KNTC1: variants seen among roughly 807,000 people sequenced by gnomAD.
KNTC1 encodes the protein kinetochore associated 1.
Under a neutral mutation model 314.4 loss-of-function variants are expected in KNTC1, and 253 were observed. That is an observed-to-expected ratio of 0.80 (90% confidence interval 0.73 to 0.89). The LOEUF (loss-of-function observed/expected upper bound fraction) is 0.89, where lower values mean the gene tolerates loss of function less well. Among genes scored for constraint, KNTC1 ranks in the 40% least tolerant of loss-of-function variants. The pLI, the probability that KNTC1 is intolerant of heterozygous loss-of-function variation, is 0.00. For missense variants in KNTC1, 2,475 were observed against 2,572.9 expected (o/e 0.96, Z 0.82); for synonymous variants, 901 against 901.4 (o/e 1.00, Z 0.01).
chr12:122,556,895 T>C (rs552268658), intron 16 of KNTC1, among the ~76,000 whole-genome samples: 112 of 151,282 alleles, frequency 7.4e-4, no homozygotes, highest in Non-Finnish European at 1.3e-3. Flanking sequence ...TGTGTTGTTG[T>C]TGGAAATGAC....
chr12:122,536,521 C>CT lies in KNTC1; in HGVS notation c.250+1751dup, dbSNP rs77728043. Among the ~76,000 whole-genome samples, 1,202 of 140,352 alleles carry CT rather than the reference C, an allele frequency of 8.6e-3. 14 individuals carry two copies. Among genetic ancestry groups the CT allele is most frequent in the African/African-American group, 0.027 (1,025 of 38,362 alleles). 92.1% of individuals were successfully genotyped at this position (140,352 alleles called of 152,430 possible). ...ACAGACGTGAGCCACCGTGCCAGGC[C>CT]TTTTTTTTTTTTTTCCCTGAGACAG... On this transcript the variant is annotated intron_variant, in intron 3 of 63. Coordinates refer to ENST00000333479, the MANE Select transcript of KNTC1 (RefSeq NM_014708.6).
At chr12:122,570,512 CA>C (rs572070934) in intron 22 of KNTC1, among the ~76,000 whole-genome samples, 1,665 of 102,038 alleles carry the variant, frequency 0.016, 14 homozygotes, top group African/African-American at 0.046. Context: ...AACCCTGTCT[CA>C]AAAAAAAAAA....
chr12:122,584,740 T>A (rs935989811), intron 35 of KNTC1, among the ~76,000 whole-genome samples, 153 bp from the exon 36 acceptor site: 1 of 152,194 alleles, frequency 6.6e-6, no homozygotes, highest in African/African-American at 2.4e-5. Context: ...TGAGAAAAAA[T>A]TTAACTTTTT....
chr12:122,560,573 A>T (rs1198807673), intron 18 of KNTC1, among the ~76,000 whole-genome samples: 1 of 152,106 alleles, frequency 6.6e-6, no homozygotes, highest in East Asian at 1.9e-4. Flanking sequence ...GGGTTTCACC[A>T]TGTTGGCCAG....
Position 122,610,860 on chromosome 12 carries a change from G to A in KNTC1, c.5582G>A (p.Ser1861Asn). Residue 1861 changes from serine (S) to asparagine (N), a missense_variant, in exon 53 of 64, where the codon AGT (serine) becomes AAT (asparagine). By Grantham distance (46) the Ser-to-Asn change is conservative. Transcript: ENST00000333479. ...CTCCTGTCTCGTCCAATTGATTATA[G>A]TTCAAGAATGCTGTTTGTATTTGCA... ...YLLLSRPIDY[S>N]SRMLFVFATS... The A allele has an allele frequency of 6.2e-7, 1 of 1,613,502 alleles. No individual in the cohort carries two copies. The highest frequency in any genetic ancestry group is 8.5e-7 in the Non-Finnish European group (1 of 1,179,596).
At chr12:122,614,861 ACAGAGTGAGACTCCATCT>A (rs1873596600) in intron 55 of KNTC1, 112 bp from the exon 56 acceptor site, 8 of 559,186 alleles carry the variant, frequency 1.4e-5, no homozygotes, top group Non-Finnish European at 2.2e-5. Context: ...AGCCTGGGCA[ACAGAGTGAGACTCCATCT>A]CAAAAAAAAA....
chr12:122,623,792 C>T lies in KNTC1; in HGVS notation c.6516-806C>T, dbSNP rs1035473418. The stretch of plus-strand genomic sequence containing the variant: ...CTCCAAAAACATAATTCTGGCCGGG[C>T]GCAGTGGCTTACTCCTGTAATCCCA... On this transcript the variant is annotated intron_variant, in intron 62 of 63. Coordinates refer to ENST00000333479, the MANE Select transcript of KNTC1 (RefSeq NM_014708.6). 2.0e-5 allele frequency among the ~76,000 whole-genome samples: 3 copies of T among 152,208 alleles called. 1 individual carries two copies. Among genetic ancestry groups the T allele is most frequent in the South Asian group, 4.1e-4 (2 of 4,822 alleles).
Position 122,546,625 on chromosome 12 carries a change from C to A in KNTC1, c.767C>A (p.Ala256Glu). The A allele has an allele frequency of 6.3e-7, 1 of 1,577,122 alleles. No individual in the cohort carries two copies. Among genetic ancestry groups the A allele is most frequent in the Non-Finnish European group, 8.7e-7 (1 of 1,154,292 alleles). The change falls in exon 10 of 64, where the codon GCA becomes GAA. Residue 256 changes from alanine to glutamate, a missense_variant. Ala to Glu is a moderately radical substitution (Grantham distance 107). Transcript: ENST00000333479. ...NLIDAEIIKG[A>E]KKFQLIDNLL... ...CATCTTATTTTCTCTTTTGTAGGTG[C>A]AAAGAAGTTCCAGCTGATAGACAAT...
chr12:122,579,967 C>T lies in KNTC1; in HGVS notation c.2904C>T (p.Asp968=). Residue 968 remains aspartate, a synonymous_variant, in exon 32 of 64, where the codon GAC becomes GAT. Transcript: ENST00000333479. ...TGGACATTCTTAAGATACTATGTGA[C>T]ATTCAGAAAGGTAGCTTTTACTTCT... ...TSVDILKILC[D]IQKDNLQKKD... 1 of 1,604,540 alleles carries T rather than the reference C, an allele frequency of 6.2e-7. No individual in the cohort carries two copies. Among genetic ancestry groups the T allele is most frequent in the Non-Finnish European group, 8.5e-7 (1 of 1,171,440 alleles).
intron 16 of KNTC1, among the ~76,000 whole-genome samples, chr12:122,555,427 C>CT (rs1293813815): frequency 3.9e-5 from 6 of 152,142 alleles, no homozygotes; most frequent in African/African-American, 1.4e-4. Context: ...CAGTGGATGC[C>CT]TGTTGTCCCA....
At position 122,602,905 on chromosome 12, in the gene KNTC1, T is replaced by C; in HGVS notation, c.4884+18T>C. On this transcript the variant is annotated intron_variant, in intron 47 of 63. Transcript: ENST00000333479. ...TAATGAAGGTAATGGATTAAAACATTGTAAGACATTTCTGTATCCTGCAAT... is the reference window on the plus strand; with the variant it reads ...TAATGAAGGTAATGGATTAAAACATCGTAAGACATTTCTGTATCCTGCAAT... 1 of 1,581,190 alleles carries C rather than the reference T, an allele frequency of 6.3e-7. No individual in the cohort carries two copies. Among genetic ancestry groups the C allele is most frequent in the South Asian group, 1.1e-5 (1 of 89,530 alleles).
chr12:122,556,956 A>G (rs1963641959), intron 16 of KNTC1, among the ~76,000 whole-genome samples: 1 of 118,592 alleles, frequency 8.4e-6, no homozygotes, highest in South Asian at 2.5e-4. Flanking sequence ...GGGTCTTACC[A>G]TGTTGCCCAG....
chr12:122,550,928 C>A (rs1963152719), intron 13 of KNTC1, among the ~76,000 whole-genome samples: 1 of 152,144 alleles, frequency 6.6e-6, no homozygotes, highest in Non-Finnish European at 1.5e-5. Flanking sequence ...TTTTTTGGCA[C>A]AAATACTGCA....
intron 50 of KNTC1, 99 bp from the exon 51 acceptor site, chr12:122,605,207 A>T (rs1412048962): frequency 9.4e-7 from 1 of 1,063,366 alleles, no homozygotes; most frequent in African/African-American, 1.6e-5. Context: ...GTATATACTT[A>T]TATGTGTATG....
At chr12:122,576,865 A>T (rs749366363) in intron 29 of KNTC1, 30 bp from the exon 30 acceptor site, 2 of 1,511,178 alleles carry the variant, frequency 1.3e-6, no homozygotes, top group South Asian at 1.3e-5. Context: ...GAGTTCTATA[A>T]CAAAGAAATG....
chr12:122,620,496 A>ATCTTGACC lies in KNTC1; in HGVS notation c.6169_6176dup (p.Ile2060LeufsTer3), dbSNP rs1318383204. ...TCTCGAAGATGTCCAGTCTCAGGTG[A>ATCTTGACC]TCTTGACCTGATCGGAGTCGCCAGG... On this transcript the variant is annotated frameshift_variant, in exon 60 of 64. Transcript: ENST00000333479. LOFTEE classifies it high-confidence loss of function. The ATCTTGACC allele has an allele frequency of 1.2e-6, 2 of 1,613,212 alleles. No individual in the cohort carries two copies. The highest frequency in any genetic ancestry group is 1.7e-5 in the Admixed American group (1 of 59,944).
At chr12:122,551,739 G>T (rs371126782) in intron 16 of KNTC1, 43 bp downstream of exon 16, 2 of 1,407,912 alleles carry the variant, frequency 1.4e-6, no homozygotes, top group Admixed American at 3.4e-5. Context: ...CAAGCATTTC[G>T]TCATGGGCTA....
At chr12:122,624,053 A>G (rs1168223614) in intron 62 of KNTC1, among the ~76,000 whole-genome samples, 1 of 152,166 alleles carries the variant, frequency 6.6e-6, no homozygotes, top group Non-Finnish European at 1.5e-5. Context: ...GTGCAACAAG[A>G]GTGAAACTCT....
chr12:122,587,057 T>G (rs887587518), intron 38 of KNTC1, among the ~76,000 whole-genome samples: 4 of 152,184 alleles, frequency 2.6e-5, no homozygotes, highest in Non-Finnish European at 5.9e-5. Context: ...CGTCAGGTGA[T>G]CCACCCGCCT....
Sources: gnomAD v4.1 joint callset for allele counts (sites outside exome capture counted in the v4.1 genomes callset) on GRCh38, gnomAD v4.1.1 for gene constraint, MANE v1.5 for transcripts, NCBI Gene and HGNC (gene_info 2026-07-23, HGNC 2026-07-21) for gene names.